SLC35F4: variants seen among roughly 807,000 people sequenced by gnomAD.
SLC35F4 encodes solute carrier family 35 member F4, also known as chromosome 14 open reading frame 36.
Under a neutral mutation model 44.2 loss-of-function variants are expected in SLC35F4, and 24 were observed. The ratio of observed to expected loss-of-function variants is 0.54; its 90% CI spans 0.39 to 0.76. The LOEUF (loss-of-function observed/expected upper bound fraction) is 0.76, where lower values mean the gene tolerates loss of function less well. Among genes scored for constraint, SLC35F4 ranks in the 30% least tolerant of loss-of-function variants. The probability of loss-of-function intolerance (pLI) is 0.00; values close to 1 mark genes in which losing one functional copy is unlikely to be tolerated. For missense variants in SLC35F4, 562 were observed against 586.1 expected, an observed-to-expected ratio of 0.96 and a Z score of 0.42; for synonymous variants, 238 against 223.6, an observed-to-expected ratio of 1.06 and a Z score of -0.57.
intron 1 of SLC35F4, among the ~76,000 whole-genome samples, chr14:57,744,764 A>T (rs1001905487): frequency 5.3e-5 from 8 of 152,210 alleles, no homozygotes; most frequent in Non-Finnish European, 2.9e-5. Flanking sequence ...ATGGAACCAA[A>T]AAAGGCCCAC....
intron 1 of SLC35F4, among the ~76,000 whole-genome samples, chr14:57,673,070 G>T (rs2074573174): frequency 6.6e-6 from 1 of 152,084 alleles, no homozygotes. Context: ...CATGAATCTT[G>T]TAAGTTGTAT....
upstream of SLC35F4, among the ~76,000 whole-genome samples, chr14:57,869,884 C>T (rs767415558): frequency 6.6e-5 from 10 of 152,274 alleles, no homozygotes; most frequent in South Asian, 2.1e-4. Context: ...AATGCTGACA[C>T]AGCCTTTCTG....
chr14:57,683,923 T>C (rs1422437349), intron 1 of SLC35F4, among the ~76,000 whole-genome samples: 1 of 152,106 alleles, frequency 6.6e-6, no homozygotes, highest in African/African-American at 2.4e-5. Flanking sequence ...AGTGGCCATC[T>C]GATGGTGGGA....
chr14:57,949,600 T>C (rs1438032876), intron 1 of SLC35F4, among the ~76,000 whole-genome samples: 9 of 152,176 alleles, frequency 5.9e-5, no homozygotes, highest in Non-Finnish European at 1.3e-4. Context: ...TTTTTTTCAT[T>C]GTGTTATTGT....
At chr14:57,930,912 CA>C (rs1889685146) in intron 1 of SLC35F4, among the ~76,000 whole-genome samples, 1 of 152,060 alleles carries the variant, frequency 6.6e-6, no homozygotes. Flanking sequence ...CCCCAAATTG[CA>C]CATCCTTCAG....
At chr14:57,717,820 G>C (rs1480083376) in intron 1 of SLC35F4, among the ~76,000 whole-genome samples, 1 of 152,060 alleles carries the variant, frequency 6.6e-6, no homozygotes, top group African/African-American at 2.4e-5. Context: ...GGAAAATTGG[G>C]TATCCATCCC....
intron 1 of SLC35F4, among the ~76,000 whole-genome samples, chr14:57,872,874 A>G (rs539828298): frequency 6.6e-6 from 1 of 152,238 alleles, no homozygotes; most frequent in East Asian, 1.9e-4. Flanking sequence ...CCTCTGCCTC[A>G]GGCTCTCTTT....
intron 1 of SLC35F4, among the ~76,000 whole-genome samples, chr14:57,980,734 T>G (rs1881354785): frequency 6.6e-6 from 1 of 152,178 alleles, no homozygotes; most frequent in Non-Finnish European, 1.5e-5. Flanking sequence ...ACCTACTAAC[T>G]ACATGCAACT....
intron 1 of SLC35F4, among the ~76,000 whole-genome samples, chr14:57,669,528 T>G (rs2074438818): frequency 6.6e-6 from 1 of 152,120 alleles, no homozygotes. Flanking sequence ...TTATTGAGAT[T>G]TTTTAGCATG....
chr14:57,887,714 A>G (rs1038326776), intron 1 of SLC35F4, among the ~76,000 whole-genome samples: 1 of 152,160 alleles, frequency 6.6e-6, no homozygotes, highest in Non-Finnish European at 1.5e-5. Flanking sequence ...CATCCAGGAA[A>G]GTGTCAGAGG....
rs185185081 is a variant in SLC35F4 at position 57,751,738 on chromosome 14, A to C, written c.103+113985T>G. 6.6e-5 allele frequency among the ~76,000 whole-genome samples: 10 copies of C among 152,336 alleles called. No homozygotes were observed. In the East Asian group the frequency reaches 1.9e-3, roughly 29 times the overall value. ...AATGGAAGAACATTAGTTCTCAAAAATTATGGTGGCTATGTTAAAAATTCT... is the reference window on the plus strand; with the variant it reads ...AATGGAAGAACATTAGTTCTCAAAACTTATGGTGGCTATGTTAAAAATTCT... On this transcript the variant is annotated intron_variant, in intron 1 of 7. Transcript: ENST00000556826.
At chr14:57,684,084 A>G (rs948997522) in intron 1 of SLC35F4, among the ~76,000 whole-genome samples, 1 of 152,108 alleles carries the variant, frequency 6.6e-6, no homozygotes, top group African/African-American at 2.4e-5. Context: ...ATGCCTCTCT[A>G]TAACTCATCC....
chr14:57,937,600 GAA>G (rs1226013041), intron 1 of SLC35F4, among the ~76,000 whole-genome samples: 1 of 70,036 alleles, frequency 1.4e-5, no homozygotes, highest in Non-Finnish European at 2.7e-5. Context: ...GAAAAGAAAA[GAA>G]AAGAAAAGAA....
chr14:57,689,715 C>T (rs926958601), intron 1 of SLC35F4, among the ~76,000 whole-genome samples: 1 of 140,374 alleles, frequency 7.1e-6, no homozygotes, highest in African/African-American at 2.8e-5. Context: ...GGAAGGGGAA[C>T]ATCACACACC....
At chr14:57,670,809 A>G (rs546876765) in intron 1 of SLC35F4, among the ~76,000 whole-genome samples, 13 of 151,728 alleles carry the variant, frequency 8.6e-5, no homozygotes, top group African/African-American at 2.7e-4. Context: ...TACCTATTCT[A>G]TTAATTCATA....
intron 1 of SLC35F4, among the ~76,000 whole-genome samples, chr14:57,942,469 G>A (rs911883474): frequency 2.6e-5 from 4 of 152,108 alleles, no homozygotes; most frequent in African/African-American, 9.7e-5. Context: ...AACTTCAGAT[G>A]ACTTTTTTTG....
chr14:57,822,634 ATTG>A (rs1883291763), intron 1 of SLC35F4, among the ~76,000 whole-genome samples: 1 of 152,148 alleles, frequency 6.6e-6, no homozygotes, highest in Admixed American at 6.5e-5. Context: ...AAGAAACAAT[ATTG>A]TTGTCTCTAT....
intron 1 of SLC35F4, among the ~76,000 whole-genome samples, chr14:57,726,944 T>G (rs915234699): frequency 6.6e-6 from 1 of 152,096 alleles, no homozygotes; most frequent in Non-Finnish European, 1.5e-5. Context: ...AAGGCTAGAC[T>G]GGCCTAGCTT....
At chr14:57,607,087 A>G (rs1306858039) in intron 1 of SLC35F4, among the ~76,000 whole-genome samples, 1 of 152,180 alleles carries the variant, frequency 6.6e-6, no homozygotes, top group African/African-American at 2.4e-5. Context: ...GTGGGTGGAC[A>G]AGCCAGCCTT....
Sources: allele counts gnomAD v4.1 joint callset (sites outside exome capture counted in the v4.1 genomes callset), GRCh38; gene constraint gnomAD v4.1.1; transcripts MANE v1.5; gene names NCBI Gene and HGNC (gene_info 2026-07-23, HGNC 2026-07-21).